CACNG8: variants seen among roughly 807,000 people sequenced by gnomAD.
CACNG8 encodes the protein calcium voltage-gated channel auxiliary subunit gamma 8.
Under a neutral mutation model 26.9 loss-of-function variants are expected in CACNG8, and 5 were observed. The observed-to-expected ratio is 0.19, with a 90% CI of 0.10 to 0.39. The LOEUF is 0.39. CACNG8 is among the 10% of genes least tolerant of loss of function. CACNG8 has a pLI of 1.00. For synonymous variants in CACNG8, 321 were observed against 296.7 expected (o/e 1.08, Z -0.84); for missense variants, 473 against 609.4 (o/e 0.78, Z 2.36).
intron 1 of CACNG8, among the ~76,000 whole-genome samples, chr19:53,967,358 C>T (rs1469072760): frequency 2.6e-5 from 4 of 152,098 alleles, no homozygotes; most frequent in Admixed American, 6.6e-5. Context: ...GTTAAATTTA[C>T]GATGCCCATT....
chr19:53,981,958 G>A, intron 3 of CACNG8, 122 bp from the exon 4 acceptor site: 1 of 1,082,466 alleles, frequency 9.2e-7, no homozygotes, highest in South Asian at 2.0e-5. Context: ...ACTCGGGGTG[G>A]GGCCTAGACC....
chr19:53,967,111 A>G (rs562137506), intron 1 of CACNG8, among the ~76,000 whole-genome samples: 2 of 152,130 alleles, frequency 1.3e-5, no homozygotes, highest in Non-Finnish European at 2.9e-5. Flanking sequence ...TCCTACTAGG[A>G]TGCCAGCAGC....
chr19:53,982,432 G>T lies in CACNG8; in HGVS notation c.861G>T (p.Arg287=). ...GCTCCAGCGAGCCGTCGCCGTCGCG[G>T]GACGCGTCTCCCGGCGGCCCCGGGG... Residue 287 remains arginine, a synonymous_variant, in exon 4 of 4, where the codon CGG becomes CGT. Transcript: ENST00000270458. The surrounding 1 kb of genome is among the most constrained non-coding windows in gnomAD (Gnocchi z 8.4). 1 of 1,519,288 alleles carries T rather than the reference G, an allele frequency of 6.6e-7. No individual in the cohort carries two copies. Among genetic ancestry groups the T allele is most frequent in the Non-Finnish European group, 8.8e-7 (1 of 1,140,414 alleles). 94.1% of individuals were successfully genotyped at this position (1,519,288 alleles called of 1,614,324 possible).
intron 2 of CACNG8, among the ~76,000 whole-genome samples, chr19:53,978,772 G>A (rs142526397): frequency 0.031 from 4,543 of 146,388 alleles, 117 homozygotes; most frequent in Non-Finnish European, 0.048. Context: ...AGGAGGGCGG[G>A]GCGGGGAGTG....
rs1279328791 is a variant in CACNG8, at chr19:53,982,039, G to C, written c.509-41G>C. 3.3e-6 allele frequency: 5 copies of C among 1,499,120 alleles called. No individual in the cohort carries two copies. Among genetic ancestry groups the C allele is most frequent in the Non-Finnish European group, 4.4e-6 (5 of 1,129,574 alleles). 92.9% of individuals were successfully genotyped at this position (1,499,120 alleles called of 1,614,324 possible). A position where few individuals can be genotyped will look rare whatever the true frequency, so the allele number is the denominator to read the frequency against. Reference sequence around the variant, plus strand: ...CGGGGCCGGGGGCGGGGGCGGGGCCGGGGGTGGCCTCGAGGCTCCCGTCTG... The same window carrying C: ...CGGGGCCGGGGGCGGGGGCGGGGCCCGGGGTGGCCTCGAGGCTCCCGTCTG... On this transcript the variant is annotated intron_variant, in intron 3 of 3. Coordinates refer to ENST00000270458, the MANE Select transcript of CACNG8 (RefSeq NM_031895.6). This position sits in a 1 kb window ranked among gnomAD's most constrained non-coding sequence, Gnocchi z 8.4.
Position 53,970,119 on chromosome 19 carries a change from A to G in CACNG8, c.283+6694A>G, listed in dbSNP as rs182542562. 4.1e-3 allele frequency among the ~76,000 whole-genome samples: 630 copies of G among 152,096 alleles called. 11 individuals carry two copies. The highest frequency in any genetic ancestry group is 0.014 in the African/African-American group (601 of 41,502). Reference sequence around the variant, plus strand: ...ATCACGAGGTCAGGAGATCGAGACCATCCTGGCTAACACGGTGAAACCCCA... The same window carrying G: ...ATCACGAGGTCAGGAGATCGAGACCGTCCTGGCTAACACGGTGAAACCCCA... On this transcript the variant is annotated intron_variant, in intron 1 of 3. Coordinates refer to ENST00000270458, the MANE Select transcript of CACNG8 (RefSeq NM_031895.6).
intron 1 of CACNG8, among the ~76,000 whole-genome samples, chr19:53,963,882 G>A (rs2069257745): frequency 6.8e-6 from 1 of 146,682 alleles, no homozygotes; most frequent in South Asian, 2.1e-4. Context: ...GCTCACTGCA[G>A]CCTCGAATCC....
At chr19:53,978,048 A>C (rs2069340270) in intron 1 of CACNG8, 98 bp from the exon 2 acceptor site, 1 of 779,578 alleles carries the variant, frequency 1.3e-6, no homozygotes, top group Non-Finnish European at 2.2e-6. Flanking sequence ...CCAGAGAGAG[A>C]AGGGGTTTGG....
At chr19:53,980,644 G>C (rs1052772797) in intron 3 of CACNG8, among the ~76,000 whole-genome samples, 1 of 152,156 alleles carries the variant, frequency 6.6e-6, no homozygotes, top group South Asian at 2.1e-4. Flanking sequence ...AGGGGGAGGG[G>C]TTATGTCCTT....
At chr19:53,980,087 C>A in intron 3 of CACNG8, 80 bp downstream of exon 3, 2 of 1,102,226 alleles carry the variant, frequency 1.8e-6, no homozygotes, top group Non-Finnish European at 2.4e-6. Context: ...TGTGTGTGTG[C>A]GCGCGCGCGC....
chr19:53,969,962 T>C (rs984123911), intron 1 of CACNG8, among the ~76,000 whole-genome samples: 3 of 151,388 alleles, frequency 2.0e-5, no homozygotes, highest in African/African-American at 7.3e-5. Context: ...CGAAACCCTG[T>C]CTCTACTAAA....
intron 1 of CACNG8, among the ~76,000 whole-genome samples, chr19:53,972,209 T>C (rs2069306360): frequency 6.6e-6 from 1 of 152,076 alleles, no homozygotes; most frequent in Non-Finnish European, 1.5e-5. Context: ...TTGGCCAGGA[T>C]GGTCTTGAAC....
At chr19:53,978,086 GT>G in intron 1 of CACNG8, 59 bp from the exon 2 acceptor site, 1 of 1,177,532 alleles carries the variant, frequency 8.5e-7, no homozygotes. Context: ...TGTCAGTGGG[GT>G]TGCCCCGCCC....
At chr19:53,969,175 T>C (rs2069287936) in intron 1 of CACNG8, among the ~76,000 whole-genome samples, 1 of 151,972 alleles carries the variant, frequency 6.6e-6, no homozygotes, top group African/African-American at 2.4e-5. Flanking sequence ...GGCTAATTTT[T>C]GTACTTTTAG....
chr19:53,963,523 G>GGGCACCCCTCC, intron 1 of CACNG8, 98 bp downstream of exon 1: 2 of 1,235,282 alleles, frequency 1.6e-6, no homozygotes, highest in Non-Finnish European at 2.1e-6. Flanking sequence ...GGGCCCCCTT[G>GGGCACCCCTCC]GGCACCCCTC....
At position 53,979,927 on chromosome 19, in the gene CACNG8, G is replaced by C; in HGVS notation, c.428G>C (p.Gly143Ala). The C allele has an allele frequency of 1.9e-6, 3 of 1,613,386 alleles. No individual in the cohort carries two copies. Among genetic ancestry groups the C allele is most frequent in the Non-Finnish European group, 2.5e-6 (3 of 1,179,638 alleles). ...AGCGCCATCCTGCTGCTGCTCGGGG[G>C]TGTGTGCGTGGCGGCCTCCCGCGTC... The change falls in exon 3 of 4, where the codon GGT (glycine) becomes GCT (alanine). Residue 143 changes from glycine to alanine, a missense_variant. Transcript: ENST00000270458.
intron 1 of CACNG8, 109 bp downstream of exon 1, chr19:53,963,534 C>T (rs886137249): frequency 1.6e-5 from 18 of 1,136,010 alleles, no homozygotes; most frequent in Non-Finnish European, 1.9e-5. Context: ...GGCACCCCTC[C>T]TCCTCTGCCA....
intron 1 of CACNG8, among the ~76,000 whole-genome samples, chr19:53,968,009 G>C (rs892865020): frequency 6.6e-6 from 1 of 152,112 alleles, no homozygotes; most frequent in Non-Finnish European, 1.5e-5. Flanking sequence ...GATGTAGGAG[G>C]CCAGAGGCTG....
intron 1 of CACNG8, among the ~76,000 whole-genome samples, chr19:53,973,567 C>T (rs1428958569): frequency 6.6e-6 from 1 of 151,746 alleles, no homozygotes; most frequent in African/African-American, 2.4e-5. Flanking sequence ...TGGCTTACCC[C>T]TGTACTCCCA....
Sources: allele counts gnomAD v4.1 joint callset (sites outside exome capture counted in the v4.1 genomes callset), GRCh38; gene constraint gnomAD v4.1.1; non-coding constraint Gnocchi (gnomAD v3.1); transcripts MANE v1.5; gene names NCBI Gene and HGNC (gene_info 2026-07-23, HGNC 2026-07-21).